The following EDN2 variants were observed in gnomAD, a reference collection of about 807,000 sequenced individuals.
EDN2 encodes endothelin 2, also known as endothelin-2.
Under a neutral mutation model 19.9 loss-of-function variants are expected in EDN2, and 10 were observed. That is an observed-to-expected ratio of 0.50 (90% CI 0.31 to 0.85). EDN2 has a LOEUF of 0.85. Among genes scored for constraint, EDN2 ranks in the 40% least tolerant of loss-of-function variants. EDN2 has a pLI of 0.05. For missense variants in EDN2, 222 were observed against 239.3 expected (o/e 0.93, Z 0.48); for synonymous variants, 84 against 94.9 (o/e 0.89, Z 0.67).
rs776419313 is a variant in EDN2, at chr1:41,479,441, G to T, written c.505C>A (p.Arg169=). The change falls in exon 5 of 5, where the codon CGG becomes AGG. Residue 169 remains arginine (R), a synonymous_variant. Coordinates refer to ENST00000372587, the MANE Select transcript of EDN2 (RefSeq NM_001956.5). ...KRQQEAMREP[R]STHSRWRKR is the part of the protein sequence containing the mutation. ...TTCCTCCACCTGGAATGTGTGGACC[G>T]AGGCTCCCGCATGGCCTCCTGTTGT... The T allele has an allele frequency of 1.2e-6, 2 of 1,613,998 alleles. No individual in the cohort carries two copies. The highest frequency in any genetic ancestry group is 1.7e-6 in the Non-Finnish European group (2 of 1,179,968).
In EDN2 at chr1:41,479,055, G is replaced by A. The variant is rs904301384; in HGVS notation, c.*354C>T. 1.4e-5 allele frequency: 5 copies of A among 368,564 alleles called. No individual in the cohort carries two copies. The highest frequency in any genetic ancestry group is 2.7e-5 in the Non-Finnish European group (5 of 188,244). The allele number at this position is 368,564 out of a possible 1,614,324, so 22.8% of individuals were successfully genotyped here. On this transcript the variant is annotated 3_prime_UTR_variant, in exon 5 of 5. Transcript: ENST00000372587. ...GGCTGAGGCATGCGTGTTCGTGGCT[G>A]CACGGTTGCTCCTGGTTTGTAGCCC...
intron 2 of EDN2, 79 bp from the exon 3 acceptor site, chr1:41,482,667 A>T: frequency 6.9e-7 from 1 of 1,457,544 alleles, no homozygotes; most frequent in Non-Finnish European, 9.0e-7. Flanking sequence ...GAGAGAGAGG[A>T]TTAAATAAAC....
Position 41,479,342 on chromosome 1 carries a change from C to T in EDN2, c.*67G>A, listed in dbSNP as rs1292294342. ...AGGAAGCAGGCAGAGAGTCCACAAGCCCTGGCCACTTCTCTCCTCCTCTCT... is the reference window on the plus strand; with the variant it reads ...AGGAAGCAGGCAGAGAGTCCACAAGTCCTGGCCACTTCTCTCCTCCTCTCT... On this transcript the variant is annotated 3_prime_UTR_variant, in exon 5 of 5. Transcript: ENST00000372587. 7.4e-7 allele frequency: 1 copy of T among 1,356,226 alleles called. No homozygotes were observed. The highest frequency in any genetic ancestry group is 1.1e-6 in the Non-Finnish European group (1 of 950,886). The allele number at this position is 1,356,226 out of a possible 1,614,324, so 84.0% of individuals were successfully genotyped here. A position where few individuals can be genotyped will look rare whatever the true frequency, so the allele number is the denominator to read the frequency against.
intron 4 of EDN2, among the ~76,000 whole-genome samples, chr1:41,480,165 C>T (rs375785290): frequency 1.4e-4 from 21 of 152,334 alleles, no homozygotes; most frequent in East Asian, 7.7e-4. Context: ...ATGAAGTGTG[C>T]GCTTTTGAAA....
chr1:41,479,213 G>A lies in EDN2; in HGVS notation c.*196C>T, dbSNP rs1173766875. ...GTCTGGAGGCCGAGGGCTTCCCTGG[G>A]CAGTGCGAGGACACAGAACTGCCTT... On this transcript the variant is annotated 3_prime_UTR_variant, in exon 5 of 5. Coordinates refer to ENST00000372587, the MANE Select transcript of EDN2 (RefSeq NM_001956.5). 3 of 682,398 alleles carry A rather than the reference G, an allele frequency of 4.4e-6. No homozygotes were observed. The highest frequency in any genetic ancestry group is 2.0e-5 in the Admixed American group (1 of 49,290). 42.3% of individuals were successfully genotyped at this position (682,398 alleles called of 1,614,324 possible). A position where few individuals can be genotyped will look rare whatever the true frequency, so the allele number is the denominator to read the frequency against.
In EDN2 at chr1:41,479,440, C is replaced by T. The variant is rs754563700; in HGVS notation, c.506G>A (p.Arg169Gln). The change falls in exon 5 of 5, where the codon CGG (arginine) becomes CAG (glutamine). Residue 169 changes from arginine to glutamine, a missense_variant. By Grantham distance (43) the Arg-to-Gln change is conservative. Transcript: ENST00000372587. Reference protein sequence around the residue: ...KRQQEAMREPRSTHSRWRKR With the variant: ...KRQQEAMREPQSTHSRWRKR ...CTTCCTCCACCTGGAATGTGTGGACCGAGGCTCCCGCATGGCCTCCTGTTG... is the reference window on the plus strand; with the variant it reads ...CTTCCTCCACCTGGAATGTGTGGACTGAGGCTCCCGCATGGCCTCCTGTTG... The T allele has an allele frequency of 3.1e-5, 50 of 1,614,078 alleles. No homozygotes were observed. Among genetic ancestry groups the T allele is most frequent in the Non-Finnish European group, 3.9e-5 (46 of 1,180,022 alleles).
chr1:41,480,306 C>G (rs551354180), intron 4 of EDN2, among the ~76,000 whole-genome samples: 2 of 152,192 alleles, frequency 1.3e-5, no homozygotes, highest in African/African-American at 2.4e-5. Context: ...AAGGGCTGAG[C>G]TGGGCCCTGG....
Position 41,483,986 on chromosome 1 carries a change from G to A in EDN2, c.221+61C>T, listed in dbSNP as rs1644269647. Reference sequence around the variant, plus strand: ...GTCAACGTTCCCTAGCATGCCAGTAGCTTCCACCCTGACACCCTGCCCCAG... The same window carrying A: ...GTCAACGTTCCCTAGCATGCCAGTAACTTCCACCCTGACACCCTGCCCCAG... On this transcript the variant is annotated intron_variant, in intron 2 of 4. Transcript: ENST00000372587. The A allele has an allele frequency of 2.0e-6, 3 of 1,511,780 alleles. No homozygotes were observed. In the Admixed American group the frequency reaches 6.1e-5, roughly 31 times the overall value. 93.6% of individuals were successfully genotyped at this position (1,511,780 alleles called of 1,614,324 possible). A position where few individuals can be genotyped will look rare whatever the true frequency, so the allele number is the denominator to read the frequency against.
chr1:41,479,153 G>C lies in EDN2; in HGVS notation c.*256C>G. The C allele has an allele frequency of 1.7e-6, 1 of 594,120 alleles. No individual in the cohort carries two copies. Among genetic ancestry groups the C allele is most frequent in the Middle Eastern group, 4.1e-4 (1 of 2,430 alleles). 36.8% of individuals were successfully genotyped at this position (594,120 alleles called of 1,614,324 possible). ...CCCATGCAGTTCTTCCAGCAGAGCT[G>C]TGGGCCAGCAGCCAGCACTGGAGGC... On this transcript the variant is annotated 3_prime_UTR_variant, in exon 5 of 5. Transcript: ENST00000372587.
At position 41,482,550 on chromosome 1, in the gene EDN2, C is replaced by A. The variant is rs757449064; in HGVS notation, c.260G>T (p.Arg87Leu). ...APYGLGNPPR[R>L]RRRSLPRRCQ... ...GCGCCTTGGCAGGGAGCGGCGCCGG[C>A]GTCTTGGCGGGTTTCCCAGGCCGTA... Residue 87 changes from arginine (R) to leucine (L), a missense_variant, in exon 3 of 5, where the codon CGC becomes CTC. Coordinates refer to ENST00000372587, the MANE Select transcript of EDN2 (RefSeq NM_001956.5). 1.3e-6 allele frequency: 2 copies of A among 1,587,186 alleles called. No individual in the cohort carries two copies. Among genetic ancestry groups the A allele is most frequent in the South Asian group, 2.2e-5 (2 of 88,926 alleles).
rs745767820 is a variant in EDN2 at position 41,479,422 on chromosome 1, C to T, written c.524G>A (p.Trp175Ter). The T allele has an allele frequency of 6.2e-7, 1 of 1,613,996 alleles. No homozygotes were observed. The highest frequency in any genetic ancestry group is 1.1e-5 in the South Asian group (1 of 91,080). The change falls in exon 5 of 5, where the codon TGG (tryptophan) becomes TAG (stop). Residue 175 changes from tryptophan (W) to a stop codon, truncating the protein, a stop_gained. Transcript: ENST00000372587. LOFTEE classifies it high-confidence loss of function. The stretch of plus-strand genomic sequence containing the variant: ...CAGCTCACGACACTATCTCTTCCTC[C>T]ACCTGGAATGTGTGGACCGAGGCTC... ...MREPRSTHSRWRKR is the reference protein window; with the variant it reads ...MREPRSTHSR
At chr1:41,482,715 A>G (rs1177500080) in intron 2 of EDN2, 127 bp from the exon 3 acceptor site, 1 of 1,288,742 alleles carries the variant, frequency 7.8e-7, no homozygotes, top group African/African-American at 1.6e-5. Flanking sequence ...CACACTGCCC[A>G]CTGGGACAGC....
chr1:41,484,587 A>G lies in EDN2; in HGVS notation c.15T>C (p.Pro5=). The stretch of plus-strand genomic sequence containing the variant: ...CTAGCGCAACGGAGCACCAGGTGGT[A>G]GGCACGGAGACCATAGCGGCGGTGG... MVSV[P]TTWCSVALAL... is the part of the protein sequence containing the mutation. The change falls in exon 1 of 5, where the codon CCT becomes CCC. Residue 5 remains proline, a synonymous_variant. Transcript: ENST00000372587. 6.4e-7 allele frequency: 1 copy of G among 1,560,162 alleles called. No homozygotes were observed. The highest frequency in any genetic ancestry group is 8.7e-7 in the Non-Finnish European group (1 of 1,152,160).
rs768364381 is a variant in EDN2, at chr1:41,479,431, T to A, written c.515A>T (p.His172Leu). ...QEAMREPRST[H>L]SRWRKR ...ACACTATCTCTTCCTCCACCTGGAA[T>A]GTGTGGACCGAGGCTCCCGCATGGC... The change falls in exon 5 of 5, where the codon CAT (histidine) becomes CTT (leucine). Residue 172 changes from histidine to leucine, a missense_variant. Coordinates refer to ENST00000372587, the MANE Select transcript of EDN2 (RefSeq NM_001956.5). 1.9e-6 allele frequency: 3 copies of A among 1,613,952 alleles called. No homozygotes were observed. In the Admixed American group the frequency reaches 5.0e-5, roughly 27 times the overall value.
chr1:41,480,874 G>T (rs1644241621), intron 4 of EDN2: 2 of 671,498 alleles, frequency 3.0e-6, no homozygotes, highest in Non-Finnish European at 5.5e-6. Flanking sequence ...CCACTTCCAG[G>T]CCTAGTGGTA....
chr1:41,484,003 C>A, intron 2 of EDN2, 44 bp downstream of exon 2: 26 of 1,539,548 alleles, frequency 1.7e-5, no homozygotes, highest in Non-Finnish European at 2.3e-5. Context: ...CCCTGACACC[C>A]TGCCCCAGAG....
chr1:41,481,262 C>T, intron 3 of EDN2, 69 bp from the exon 4 acceptor site: 3 of 1,342,772 alleles, frequency 2.2e-6, no homozygotes, highest in Admixed American at 1.8e-5. Flanking sequence ...GCTGCAGGCC[C>T]AGCCCAGCCC....
rs1045944934 is a variant in EDN2, at chr1:41,478,989, C to G, written c.*420G>C. The stretch of plus-strand genomic sequence containing the variant: ...GAAAGCTGGAGAGGACACAGCCAGC[C>G]AGGATGCCAGCCTCAGGGGAGCCAT... On this transcript the variant is annotated 3_prime_UTR_variant, in exon 5 of 5. Coordinates refer to ENST00000372587, the MANE Select transcript of EDN2 (RefSeq NM_001956.5). The G allele has an allele frequency of 2.4e-5, 8 of 337,790 alleles. No individual in the cohort carries two copies. The highest frequency in any genetic ancestry group is 3.9e-5 in the Admixed American group (1 of 25,950). 20.9% of individuals were successfully genotyped at this position (337,790 alleles called of 1,614,324 possible). A position where few individuals can be genotyped will look rare whatever the true frequency, so the allele number is the denominator to read the frequency against.
chr1:41,481,140 G>A lies in EDN2; in HGVS notation c.398C>T (p.Thr133Ile). Residue 133 changes from threonine to isoleucine, a missense_variant, in exon 4 of 5, where the codon ACT (threonine) becomes ATT (isoleucine). Physicochemically the swap from Thr to Ile is moderately conservative, Grantham distance 89. Transcript: ENST00000372587. ...SRKSPADVFQ[T>I]GKTGATTGEL... Reference sequence around the variant, plus strand: ...TCCTGTAGTGGCCCCTGTCTTGCCAGTCTGGAACACGTCTGCAGGGGACTT... The same window carrying A: ...TCCTGTAGTGGCCCCTGTCTTGCCAATCTGGAACACGTCTGCAGGGGACTT... The A allele has an allele frequency of 6.2e-7, 1 of 1,614,122 alleles. No individual in the cohort carries two copies.
Sources: allele counts gnomAD v4.1 joint callset (sites outside exome capture counted in the v4.1 genomes callset), GRCh38; gene constraint gnomAD v4.1.1; transcripts MANE v1.5; gene names NCBI Gene and HGNC (gene_info 2026-07-23, HGNC 2026-07-21).